The following SND1 variants were observed in gnomAD, a reference collection of about 807,000 sequenced individuals.
SND1 encodes the protein staphylococcal nuclease and tudor domain containing 1.
In SND1, 38 loss-of-function variants were observed where a neutral mutation model predicts 121.7. The observed-to-expected ratio is 0.31, with a 90% CI of 0.24 to 0.41. The LOEUF is 0.41. Ranked by LOEUF, SND1 falls within the 10% of genes least tolerant of loss-of-function variation. The pLI is 1.00. For missense variants in SND1, 868 were observed against 1,184.6 expected, an observed-to-expected ratio of 0.73 and a Z score of 3.92; for synonymous variants, 401 against 447.4, an observed-to-expected ratio of 0.90 and a Z score of 1.31.
In SND1 at chr7:127,701,413, G is replaced by A. The variant is rs899069931; in HGVS notation, c.589+90G>A. ...TCTTGAGGTTTGTAAAATCTAGTAA[G>A]CCTTTCTTATACTTATTTAGTATCC... On this transcript the variant is annotated intron_variant, in intron 5 of 23. Coordinates refer to ENST00000354725, the MANE Select transcript of SND1 (RefSeq NM_014390.4). 8.9e-6 allele frequency: 12 copies of A among 1,346,258 alleles called. No homozygotes were observed. In the Admixed American group the frequency reaches 2.2e-4, roughly 25 times the overall value. The allele number at this position is 1,346,258 out of a possible 1,614,324, so 83.4% of individuals were successfully genotyped here.
intron 10 of SND1, among the ~76,000 whole-genome samples, chr7:127,745,063 G>A (rs1437047126): frequency 6.6e-6 from 1 of 152,096 alleles, no homozygotes; most frequent in Non-Finnish European, 1.5e-5. Flanking sequence ...AACATCCTTG[G>A]TAAGTAGAAA....
intron 15 of SND1, among the ~76,000 whole-genome samples, chr7:127,949,805 C>T (rs1184702332): frequency 6.6e-6 from 1 of 152,176 alleles, no homozygotes; most frequent in African/African-American, 2.4e-5. Context: ...CTTCCCTCAG[C>T]CTTTGTCAGC....
chr7:127,995,183 C>G (rs1802619719), intron 16 of SND1, among the ~76,000 whole-genome samples: 1 of 152,220 alleles, frequency 6.6e-6, no homozygotes, highest in African/African-American at 2.4e-5. Flanking sequence ...ATATGGTATG[C>G]TGAATTGGGT....
intron 15 of SND1, among the ~76,000 whole-genome samples, chr7:127,952,326 A>G (rs1696504830): frequency 6.6e-6 from 1 of 152,224 alleles, no homozygotes; most frequent in Non-Finnish European, 1.5e-5. Flanking sequence ...TTGTGGCACC[A>G]ATGTGCATTT....
At chr7:127,890,094 G>A (rs904125129) in intron 13 of SND1, among the ~76,000 whole-genome samples, 3 of 152,022 alleles carry the variant, frequency 2.0e-5, no homozygotes. Context: ...GTTTCTTGAA[G>A]ATCCTCCAAA....
chr7:127,663,990 C>T (rs962185537), intron 1 of SND1, among the ~76,000 whole-genome samples: 1 of 152,060 alleles, frequency 6.6e-6, no homozygotes, highest in Non-Finnish European at 1.5e-5. Context: ...TATATCTGGT[C>T]GTGGTCTTCT....
chr7:127,971,984 A>G (rs553349274), intron 15 of SND1, among the ~76,000 whole-genome samples: 37 of 152,160 alleles, frequency 2.4e-4, no homozygotes, highest in Non-Finnish European at 4.3e-4. Context: ...CGTGTTGCCC[A>G]GGCTGGTCTC....
chr7:128,068,969 A>G (rs1344791128), intron 16 of SND1, among the ~76,000 whole-genome samples: 1 of 152,266 alleles, frequency 6.6e-6, no homozygotes, highest in African/African-American at 2.4e-5. Flanking sequence ...TCTAGCCCAC[A>G]GTCAGGCCAG....
At chr7:128,046,930 A>G (rs1792959440) in intron 16 of SND1, among the ~76,000 whole-genome samples, 1 of 152,108 alleles carries the variant, frequency 6.6e-6, no homozygotes, top group South Asian at 2.1e-4. Context: ...TACTCTTACC[A>G]CTTCTTTGAA....
intron 15 of SND1, among the ~76,000 whole-genome samples, chr7:127,942,264 C>T: frequency 6.6e-6 from 1 of 152,246 alleles, no homozygotes; most frequent in East Asian, 1.9e-4. Flanking sequence ...TTTTGACAAG[C>T]ATTTATATTG....
At position 127,652,296 on chromosome 7, in the gene SND1, C is replaced by T. The variant is rs892301514; in HGVS notation, c.-78C>T. The T allele has an allele frequency of 4.7e-6, 6 of 1,279,098 alleles. No homozygotes were observed. In the African/African-American group the frequency reaches 8.9e-5, roughly 19 times the overall value. The allele number at this position is 1,279,098 out of a possible 1,614,324, so 79.2% of individuals were successfully genotyped here. The stretch of plus-strand genomic sequence containing the variant: ...CCAGCCTGCCCCTCGCCTCGACTCC[C>T]TTTCACCAACACCGACACCCACATT... On this transcript the variant is annotated 5_prime_UTR_variant, in exon 1 of 24. Coordinates refer to ENST00000354725, the MANE Select transcript of SND1 (RefSeq NM_014390.4).
intron 16 of SND1, among the ~76,000 whole-genome samples, chr7:128,018,296 G>A (rs1471435092): frequency 6.6e-6 from 1 of 152,226 alleles, no homozygotes; most frequent in African/African-American, 2.4e-5. Context: ...CTGCCTTGCT[G>A]TGGCAAAAGG....
intron 16 of SND1, among the ~76,000 whole-genome samples, chr7:128,014,689 A>C (rs140703281): frequency 4.9e-4 from 74 of 152,196 alleles, no homozygotes; most frequent in Non-Finnish European, 8.4e-4. Flanking sequence ...CTTTGGGCAG[A>C]TCTGTGGAGG....
At chr7:127,663,061 A>AT (rs929615693) in intron 1 of SND1, among the ~76,000 whole-genome samples, 2 of 150,974 alleles carry the variant, frequency 1.3e-5, no homozygotes, top group Non-Finnish European at 3.0e-5. Flanking sequence ...CGGCTAATAA[A>AT]TTTTTTGTGG....
chr7:127,973,280 T>C (rs186416444), intron 15 of SND1, among the ~76,000 whole-genome samples: 1 of 152,190 alleles, frequency 6.6e-6, no homozygotes, highest in Non-Finnish European at 1.5e-5. Flanking sequence ...ATGAATTCAA[T>C]AGAAATGTCA....
intron 15 of SND1, among the ~76,000 whole-genome samples, chr7:127,932,933 T>C (rs1370293721): frequency 6.6e-6 from 1 of 152,240 alleles, no homozygotes; most frequent in Non-Finnish European, 1.5e-5. Flanking sequence ...GGAACTAAAC[T>C]TGCAGTATCT....
intron 10 of SND1, among the ~76,000 whole-genome samples, chr7:127,757,974 A>G (rs902175226): frequency 1.3e-5 from 2 of 152,194 alleles, no homozygotes; most frequent in Non-Finnish European, 2.9e-5. Flanking sequence ...TGCTCCTGCC[A>G]TGCTGGAATA....
At chr7:128,032,939 C>G (rs1038141538) in intron 16 of SND1, among the ~76,000 whole-genome samples, 3 of 152,182 alleles carry the variant, frequency 2.0e-5, no homozygotes, top group Non-Finnish European at 4.4e-5. Flanking sequence ...AGCACAGAGG[C>G]CGGCAGGAAG....
intron 9 of SND1, among the ~76,000 whole-genome samples, chr7:127,716,612 T>C (rs941961895): frequency 7.9e-5 from 12 of 151,724 alleles, no homozygotes; most frequent in Admixed American, 2.6e-4. Context: ...ATTATTAGAG[T>C]TTTTTACCTA....
Sources: allele counts gnomAD v4.1 joint callset (sites outside exome capture counted in the v4.1 genomes callset), GRCh38; gene constraint gnomAD v4.1.1; transcripts MANE v1.5; gene names NCBI Gene and HGNC (gene_info 2026-07-23, HGNC 2026-07-21).